TMC2: variants seen among roughly 807,000 people sequenced by gnomAD.
TMC2 encodes transmembrane channel-like protein 2.
TMC2 carries 102 observed loss-of-function variants against 105.9 expected under a neutral mutation model. The ratio of observed to expected loss-of-function variants is 0.96; its 90% CI spans 0.82 to 1.14. The LOEUF (loss-of-function observed/expected upper bound fraction) is 1.14. Ranked by LOEUF, TMC2 falls within the 50% of genes most tolerant of loss-of-function variation. The pLI, the probability that TMC2 is intolerant of heterozygous loss-of-function variation, is 0.00. For missense variants in TMC2, 1,093 were observed against 1,134.3 expected, an observed-to-expected ratio of 0.96 and a Z score of 0.52; for synonymous variants, 402 against 422.8, an observed-to-expected ratio of 0.95 and a Z score of 0.60.
At chr20:2,553,799 T>C (rs35576415) in intron 2 of TMC2, among the ~76,000 whole-genome samples, 29,115 of 152,228 alleles carry the variant, frequency 0.19, 2,971 homozygotes, top group African/African-American at 0.25. Flanking sequence ...TGGTAGATTG[T>C]GTTTTTCCAG....
intron 5 of TMC2, among the ~76,000 whole-genome samples, chr20:2,573,706 G>T (rs1369029771): frequency 6.7e-6 from 1 of 149,626 alleles, no homozygotes; most frequent in Non-Finnish European, 1.5e-5. Context: ...GACTACAGGC[G>T]CCCGCCACCA....
At chr20:2,585,397 GT>G (rs1411339330) in intron 7 of TMC2, among the ~76,000 whole-genome samples, 1 of 151,616 alleles carries the variant, frequency 6.6e-6, no homozygotes, top group Non-Finnish European at 1.5e-5. Context: ...ATTTCTTGGG[GT>G]TTGTATTCAT....
chr20:2,570,549 C>T (rs2086095908), intron 4 of TMC2, among the ~76,000 whole-genome samples: 1 of 152,004 alleles, frequency 6.6e-6, no homozygotes, highest in Admixed American at 6.6e-5. Flanking sequence ...TTGGAAGAAT[C>T]AATATCATTA....
chr20:2,570,680 C>G (rs1448880550), intron 4 of TMC2, among the ~76,000 whole-genome samples: 1 of 151,900 alleles, frequency 6.6e-6, no homozygotes, highest in African/African-American at 2.4e-5. Flanking sequence ...AAAAATGAGC[C>G]CAAACAGCCA....
intron 17 of TMC2, among the ~76,000 whole-genome samples, chr20:2,630,758 G>A (rs1425372647): frequency 6.6e-6 from 1 of 152,212 alleles, no homozygotes; most frequent in Non-Finnish European, 1.5e-5. Context: ...AAAAGGTTGA[G>A]GCTGCAGTGA....
At chr20:2,546,585 A>ATGGTT (rs1398987832) in intron 2 of TMC2, among the ~76,000 whole-genome samples, 1 of 151,960 alleles carries the variant, frequency 6.6e-6, no homozygotes, top group Non-Finnish European at 1.5e-5. Context: ...ACCAATAGGA[A>ATGGTT]TGGTTTTCTA....
At chr20:2,640,714 C>T (rs2086681870) in intron 19 of TMC2, among the ~76,000 whole-genome samples, 1 of 152,216 alleles carries the variant, frequency 6.6e-6, no homozygotes, top group Non-Finnish European at 1.5e-5. Flanking sequence ...TTTTCCCTAA[C>T]TTGGAGTTAG....
intron 2 of TMC2, among the ~76,000 whole-genome samples, chr20:2,552,007 C>A (rs1262339348): frequency 2.6e-5 from 4 of 152,038 alleles, no homozygotes; most frequent in Non-Finnish European, 5.9e-5. Context: ...GCCTATAATC[C>A]CAGCACTTTG....
Position 2,592,524 on chromosome 20 carries a change from C to T in TMC2, c.933+116C>T. 1 of 749,712 alleles carries T rather than the reference C, an allele frequency of 1.3e-6. No homozygotes were observed. Among genetic ancestry groups the T allele is most frequent in the Non-Finnish European group, 2.3e-6 (1 of 429,096 alleles). The allele number at this position is 749,712 out of a possible 1,614,324, so 46.4% of individuals were successfully genotyped here. ...TGAAAAACCATTGCTTTAATAGGAT[C>T]CCAGCACTAAGCTAAATGAGCTTGC... On this transcript the variant is annotated intron_variant, in intron 8 of 19. Transcript: ENST00000358864. This position sits in a 1 kb window ranked among gnomAD's most constrained non-coding sequence, Gnocchi z 4.9.
intron 10 of TMC2, among the ~76,000 whole-genome samples, chr20:2,598,233 A>C (rs2086323173): frequency 6.6e-6 from 1 of 150,896 alleles, no homozygotes; most frequent in South Asian, 2.1e-4. Context: ...TGGTAGTTGG[A>C]AAATAACAAA....
At chr20:2,556,704 A>C (rs958769846) in intron 2 of TMC2, among the ~76,000 whole-genome samples, 3 of 152,204 alleles carry the variant, frequency 2.0e-5, no homozygotes, top group Non-Finnish European at 2.9e-5. Context: ...GCACCACTGC[A>C]CTCCAGCCTA....
At chr20:2,605,121 C>T (rs1377088363) in intron 11 of TMC2, among the ~76,000 whole-genome samples, 1 of 152,092 alleles carries the variant, frequency 6.6e-6, no homozygotes, top group African/African-American at 2.4e-5. Context: ...TGTGCTCACT[C>T]TGATTAGTGT....
chr20:2,618,668 C>G (rs2086502607), intron 16 of TMC2, among the ~76,000 whole-genome samples: 1 of 152,184 alleles, frequency 6.6e-6, no homozygotes, highest in African/African-American at 2.4e-5. Flanking sequence ...GGAGGTAGAT[C>G]AAGAGATAAT....
chr20:2,554,384 C>T (rs1487948096), intron 2 of TMC2, among the ~76,000 whole-genome samples: 1 of 152,182 alleles, frequency 6.6e-6, no homozygotes, highest in Non-Finnish European at 1.5e-5. Flanking sequence ...TCAATCTTTT[C>T]AAAGAACCTC....
rs1320970876 is a variant in TMC2, at chr20:2,592,661, G to C, written c.933+253G>C. On this transcript the variant is annotated intron_variant, in intron 8 of 19. Coordinates refer to ENST00000358864, the MANE Select transcript of TMC2 (RefSeq NM_080751.3). The surrounding 1 kb of genome is among the most constrained non-coding windows in gnomAD (Gnocchi z 4.9). ...AGCCACTGCACCTCTCTGTCTGCCAGGTCTCTGTAAGGTGATCTCACGGTA... is the reference window on the plus strand; with the variant it reads ...AGCCACTGCACCTCTCTGTCTGCCACGTCTCTGTAAGGTGATCTCACGGTA... 6.6e-6 allele frequency among the ~76,000 whole-genome samples: 1 copy of C among 152,104 alleles called. No individual in the cohort carries two copies. The highest frequency in any genetic ancestry group is 1.5e-5 in the Non-Finnish European group (1 of 68,024).
chr20:2,613,730 C>A, intron 14 of TMC2: 1 of 287,570 alleles, frequency 3.5e-6, no homozygotes, highest in Non-Finnish European at 6.8e-6. Context: ...AACCATTGGT[C>A]CTGTCTTCTG....
At chr20:2,598,046 T>G in intron 10 of TMC2, among the ~76,000 whole-genome samples, 1 of 152,124 alleles carries the variant, frequency 6.6e-6, no homozygotes, top group African/African-American at 2.4e-5. Flanking sequence ...CCCAAGTGAT[T>G]AGAATACTCA....
At chr20:2,597,639 C>T (rs1321486109) in intron 10 of TMC2, among the ~76,000 whole-genome samples, 3 of 150,088 alleles carry the variant, frequency 2.0e-5, no homozygotes, top group African/African-American at 7.4e-5. Flanking sequence ...AGGTGCCTGC[C>T]ACTATGCCCA....
intron 2 of TMC2, among the ~76,000 whole-genome samples, chr20:2,540,137 C>T (rs1374115748): frequency 1.3e-5 from 2 of 151,474 alleles, no homozygotes; most frequent in Non-Finnish European, 2.9e-5. Flanking sequence ...ATTACAGGTG[C>T]CTGCCACCAC....
Sources: gnomAD v4.1 joint callset for allele counts (sites outside exome capture counted in the v4.1 genomes callset) on GRCh38, gnomAD v4.1.1 for gene constraint, Gnocchi (gnomAD v3.1) non-coding constraint, MANE v1.5 for transcripts, NCBI Gene and HGNC (gene_info 2026-07-23, HGNC 2026-07-21) for gene names.